Variants in TKTL1 observed in about 807,000 individuals in gnomAD.
TKTL1 encodes the protein transketolase like 1.
In TKTL1, 1 loss-of-function variant was observed where a neutral mutation model predicts 39.3. The observed-to-expected ratio is 0.03, with a 90% CI of 0.01 to 0.12. TKTL1 has a LOEUF of 0.12. TKTL1 is among the 10% of genes least tolerant of loss of function. The pLI is 1.00. For synonymous variants in TKTL1, 262 were observed against 193.8 expected, an observed-to-expected ratio of 1.35 and a Z score of -2.92; for missense variants, 575 against 509.6, an observed-to-expected ratio of 1.13 and a Z score of -1.24.
chrX:154,310,667 C>G (rs782046404), intron 3 of TKTL1, among the ~76,000 whole-genome samples, 169 bp from the exon 4 acceptor site: 1 of 111,706 alleles, frequency 9.0e-6, no homozygotes, highest in Non-Finnish European at 1.9e-5. Context: ...TTTTCAAGCT[C>G]GGCTTTCTTA....
chrX:154,302,343 T>G (rs1417616603), intron 1 of TKTL1, among the ~76,000 whole-genome samples: 2 of 111,731 alleles, frequency 1.8e-5, no homozygotes, highest in Non-Finnish European at 3.8e-5. Context: ...CACTTAGGGC[T>G]GTTATAAGAA....
rs782313303 is a variant in TKTL1 at position 154,320,744 on chromosome X, C to T, written c.1030-13C>T. 2 of 1,210,196 alleles carry T rather than the reference C, an allele frequency of 1.7e-6. No individual in the cohort carries two copies. Among genetic ancestry groups the T allele is most frequent in the Admixed American group, 4.3e-5 (2 of 46,076 alleles). Reference sequence around the variant, plus strand: ...GCCCAGGGATGTTCTGATTCATGTTCTCTGTGCTGCAGGTGAGCGTGGCTC... The same window carrying T: ...GCCCAGGGATGTTCTGATTCATGTTTTCTGTGCTGCAGGTGAGCGTGGCTC... On this transcript the variant is annotated splice_polypyrimidine_tract_variant and intron_variant, in intron 7 of 12. Transcript: ENST00000369915.
intron 7 of TKTL1, among the ~76,000 whole-genome samples, chrX:154,317,772 G>A (rs999951362): frequency 2.7e-5 from 3 of 112,090 alleles, no homozygotes; most frequent in East Asian, 5.6e-4. Context: ...AACGGCAGGT[G>A]TCAGGACAGG....
chrX:154,315,847 A>T (rs1189391454), intron 7 of TKTL1, among the ~76,000 whole-genome samples: 3 of 112,547 alleles, frequency 2.7e-5, no homozygotes, highest in Non-Finnish European at 5.6e-5. Flanking sequence ...CATTCTGCTT[A>T]TCTATGCCTC....
rs782010236 is a variant in TKTL1 at position 154,329,735 on chromosome X, G to A, written c.*47G>A. ...TTTGGCCTCTTTACCCTGTGTTTAT[G>A]TTTGTTCCAAAACCATCATTTAAAT... On this transcript the variant is annotated 3_prime_UTR_variant, in exon 13 of 13. Transcript: ENST00000369915. 1.7e-6 allele frequency: 2 copies of A among 1,164,153 alleles called. No individual in the cohort carries two copies. The highest frequency in any genetic ancestry group is 1.9e-5 in the South Asian group (1 of 52,836).
chrX:154,306,139 T>A (rs2067313096), intron 2 of TKTL1, among the ~76,000 whole-genome samples: 1 of 101,760 alleles, frequency 9.8e-6, no homozygotes, highest in Admixed American at 1.0e-4. Flanking sequence ...AAACTCCGTC[T>A]CCACTTAAAA....
At chrX:154,311,087 C>T in intron 4 of TKTL1, 24 bp from the exon 5 acceptor site, 3 of 1,211,155 alleles carry the variant, frequency 2.5e-6, no homozygotes, top group Non-Finnish European at 3.4e-6. Flanking sequence ...TCTCTTGTAA[C>T]CCAGCCTGCT....
intron 1 of TKTL1, among the ~76,000 whole-genome samples, chrX:154,297,341 C>T (rs2067238358): frequency 9.1e-6 from 1 of 110,296 alleles, no homozygotes; most frequent in African/African-American, 3.3e-5. Flanking sequence ...CTACAAGCTC[C>T]GCCTCCTGGG....
chrX:154,321,985 C>T (rs1557170949), intron 8 of TKTL1, among the ~76,000 whole-genome samples: 2 of 110,273 alleles, frequency 1.8e-5, no homozygotes, highest in African/African-American at 6.6e-5. Context: ...GAAAGTGACT[C>T]TAGGTTCCAT....
intron 10 of TKTL1, among the ~76,000 whole-genome samples, chrX:154,326,331 ACT>A (rs1426276874): frequency 9.0e-6 from 1 of 111,518 alleles, no homozygotes; most frequent in Non-Finnish European, 1.9e-5. Context: ...AAAATAAGTG[ACT>A]CTGCTCATCA....
chrX:154,300,052 G>A (rs1370703135), intron 1 of TKTL1, among the ~76,000 whole-genome samples: 6 of 89,026 alleles, frequency 6.7e-5, no homozygotes, highest in African/African-American at 2.7e-4. Context: ...GTCTTGCTCT[G>A]TCGCCCAGGC....
At chrX:154,302,009 G>A (rs2148799950) in intron 1 of TKTL1, among the ~76,000 whole-genome samples, 1 of 110,044 alleles carries the variant, frequency 9.1e-6, no homozygotes, top group African/African-American at 3.3e-5. Flanking sequence ...TCAGGATCAT[G>A]TTGGTTTCCT....
chrX:154,324,910 A>G (rs943377544), intron 9 of TKTL1, among the ~76,000 whole-genome samples: 1 of 112,493 alleles, frequency 8.9e-6, no homozygotes, highest in Admixed American at 9.4e-5. Flanking sequence ...ATGTATTTAC[A>G]TTTTATTGGG....
Position 154,329,783 on chromosome X carries a change from T to C in TKTL1, c.*95T>C. On this transcript the variant is annotated 3_prime_UTR_variant, in exon 13 of 13. Coordinates refer to ENST00000369915, the MANE Select transcript of TKTL1 (RefSeq NM_012253.4). Reference sequence around the variant, plus strand: ...AATCTCTACTGTCACATTTTGTTTCTTAAAAGCAAAGCCAGCTAACACCTT... The same window carrying C: ...AATCTCTACTGTCACATTTTGTTTCCTAAAAGCAAAGCCAGCTAACACCTT... 9.6e-7 allele frequency: 1 copy of C among 1,039,526 alleles called. No homozygotes were observed. Among genetic ancestry groups the C allele is most frequent in the East Asian group, 3.1e-5 (1 of 32,442 alleles). 85.7% of individuals were successfully genotyped at this position (1,039,526 alleles called of 1,213,427 possible).
intron 1 of TKTL1, among the ~76,000 whole-genome samples, chrX:154,298,642 C>T (rs1397902704): frequency 2.7e-5 from 3 of 111,092 alleles, no homozygotes; most frequent in Non-Finnish European, 5.7e-5. Context: ...CTGCAGTGAG[C>T]CATGTTTGTG....
intron 1 of TKTL1, among the ~76,000 whole-genome samples, chrX:154,296,195 G>A (rs782735117): frequency 2.7e-5 from 3 of 111,064 alleles, no homozygotes; most frequent in South Asian, 7.7e-4. Context: ...CCCAAGGGTC[G>A]GTCGGTTGGT....
At position 154,300,420 on chromosome X, in the gene TKTL1, G is replaced by C. The variant is rs113824646; in HGVS notation, c.134+4427G>C. On this transcript the variant is annotated intron_variant, in intron 1 of 12. Transcript: ENST00000369915. Reference sequence around the variant, plus strand: ...CTATCCATGAGCATGAGATATCTTTGTTTGTGTCATCTGTGATGTCTTTCA... The same window carrying C: ...CTATCCATGAGCATGAGATATCTTTCTTTGTGTCATCTGTGATGTCTTTCA... Among the ~76,000 whole-genome samples, 640 of 112,298 alleles carry C rather than the reference G, an allele frequency of 5.7e-3. 5 individuals are homozygous for C. Among genetic ancestry groups the C allele is most frequent in the African/African-American group, 0.019 (574 of 30,911 alleles).
In TKTL1 at chrX:154,330,274, G is replaced by C. The variant is rs1342911988; in HGVS notation, c.*586G>C. ...TCAGGCAGCAGCGAAAGCTTGTTAG[G>C]ATGTCCTGTGCTGCTTGTGATGAGA... On this transcript the variant is annotated 3_prime_UTR_variant, in exon 13 of 13. Coordinates refer to ENST00000369915, the MANE Select transcript of TKTL1 (RefSeq NM_012253.4). 8.7e-6 allele frequency: 1 copy of C among 114,301 alleles called. No homozygotes were observed. Among genetic ancestry groups the C allele is most frequent in the East Asian group, 2.7e-4 (1 of 3,642 alleles). The allele number at this position is 114,301 out of a possible 1,213,427, so 9.4% of individuals were successfully genotyped here.
chrX:154,299,404 C>T (rs2067256072), intron 1 of TKTL1, among the ~76,000 whole-genome samples: 1 of 110,037 alleles, frequency 9.1e-6, no homozygotes, highest in Non-Finnish European at 1.9e-5. Context: ...ATCCGCCCAC[C>T]TCGGCTTCCC....
Sources: gnomAD v4.1 joint callset for allele counts (sites outside exome capture counted in the v4.1 genomes callset) on GRCh38, gnomAD v4.1.1 for gene constraint, MANE v1.5 for transcripts, NCBI Gene and HGNC (gene_info 2026-07-23, HGNC 2026-07-21) for gene names.